Variants in MZT2A observed in about 807,000 individuals in gnomAD.
MZT2A encodes the protein mitotic spindle organizing protein 2A, also known as mitotic-spindle organizing protein 2A.
MZT2A carries 8 observed loss-of-function variants against 12.4 expected under a neutral mutation model. The ratio of observed to expected loss-of-function variants is 0.64; its 90% CI spans 0.38 to 1.16. The LOEUF (loss-of-function observed/expected upper bound fraction) is 1.16. Among genes scored for constraint, MZT2A ranks in the 50% most tolerant of loss-of-function variants. MZT2A has a pLI of 0.01. For missense variants in MZT2A, 181 were observed against 223.6 expected, an observed-to-expected ratio of 0.81 and a Z score of 1.22; for synonymous variants, 88 against 107.5, an observed-to-expected ratio of 0.82 and a Z score of 1.12.
At chr2:131,482,854 G>A (rs370214204), downstream of MZT2A, 1,294 of 1,610,604 alleles carry the variant, frequency 8.0e-4, no homozygotes, top group Non-Finnish European at 1.0e-3. Context: ...ACTGAGGGGA[G>A]GGTGTGGTGG....
chr2:131,490,714 T>A (rs1336085412), intron 2 of MZT2A: 7 of 1,549,360 alleles, frequency 4.5e-6, no homozygotes, highest in Non-Finnish European at 6.1e-6. Flanking sequence ...AAACGCAACC[T>A]GCAAAAGGAG....
chr2:131,492,776 C>T, upstream of MZT2A: 1 of 1,121,902 alleles, frequency 8.9e-7, no homozygotes, highest in Non-Finnish European at 1.2e-6. Flanking sequence ...CTAGGGGTCG[C>T]TCTTCGGGGG....
At chr2:131,470,258 T>C in exon 4 of MZT2A, 2 of 785,070 alleles carry the variant, frequency 2.5e-6, no homozygotes, top group Non-Finnish European at 3.7e-6. Flanking sequence ...CTCCAAGAAC[T>C]CCTGCAGGGC....
intron 2 of MZT2A, among the ~76,000 whole-genome samples, chr2:131,487,800 T>C (rs917099571): frequency 1.3e-5 from 2 of 152,194 alleles, no homozygotes; most frequent in Non-Finnish European, 1.5e-5. Flanking sequence ...AGGGTCTCAC[T>C]CTCTCACCCA....
At chr2:131,492,556 A>C, upstream of MZT2A, 1 of 1,142,404 alleles carries the variant, frequency 8.8e-7, no homozygotes, top group East Asian at 6.4e-5. Flanking sequence ...GTGGGCGCTC[A>C]CGGTGTGCTG....
At chr2:131,470,463 C>T in intron 3 of MZT2A, 1 of 369,462 alleles carries the variant, frequency 2.7e-6, no homozygotes, top group South Asian at 2.1e-5. Flanking sequence ...CAGATTAAAG[C>T]CACAGATGGG....
In MZT2A at chr2:131,484,075, GC is replaced by G; in HGVS notation, c.462del (p.Gln155ArgfsTer?). 6.2e-7 allele frequency: 1 copy of G among 1,612,446 alleles called. No homozygotes were observed. The highest frequency in any genetic ancestry group is 8.5e-7 in the Non-Finnish European group (1 of 1,178,782). ...PKGGGPGKSP[T>X]QGST ...TCTGCCCCATCCTAGGTGCTGCCCT[GC>G]GTAGGGCTCTTCCCAGGCCCGCCCC... is the stretch of plus-strand genomic sequence containing the variant. On this transcript the variant is annotated frameshift_variant, in exon 3 of 3. Coordinates refer to ENST00000309451, the MANE Select transcript of MZT2A (RefSeq NM_001085365.2). LOFTEE classifies it high-confidence loss of function.
At chr2:131,484,569 G>A (rs868426535) in intron 2 of MZT2A, among the ~76,000 whole-genome samples, 1 of 148,684 alleles carries the variant, frequency 6.7e-6, no homozygotes. Flanking sequence ...AACCTAGTCT[G>A]CCCTGATCGT....
chr2:131,490,758 G>GCGT (rs59442386), intron 2 of MZT2A: 2 of 1,505,948 alleles, frequency 1.3e-6, no homozygotes, highest in African/African-American at 4.4e-5. Context: ...AGGGAACCCG[G>GCGT]GGGGCCTGGA....
chr2:131,474,298 C>T (rs1274224398), intron 2 of MZT2A, among the ~76,000 whole-genome samples: 7 of 151,752 alleles, frequency 4.6e-5, no homozygotes, highest in Non-Finnish European at 8.8e-5. Flanking sequence ...GGGGTTTTAC[C>T]GTGTTAGCCA....
Position 131,491,931 on chromosome 2 carries a change from C to A in MZT2A, c.264G>T (p.Glu88Asp), listed in dbSNP as rs564056055. 3.3e-6 allele frequency: 5 copies of A among 1,536,684 alleles called. No homozygotes were observed. Among genetic ancestry groups the A allele is most frequent in the Non-Finnish European group, 4.4e-6 (5 of 1,138,734 alleles). ...SMCAGQRLASEPQDPAAVSLP... is the reference protein window; with the variant it reads ...SMCAGQRLASDPQDPAAVSLP... ...GAGACACGGCCGCAGGGTCCTGGGG[C>A]TCGCTCGCTAGCCTCTGCCCGGCAC... The change falls in exon 2 of 3, where the codon GAG (glutamate) becomes GAT (aspartate). Residue 88 changes from glutamate to aspartate, a missense_variant. Glu to Asp is a conservative substitution (Grantham distance 45). Coordinates refer to ENST00000309451, the MANE Select transcript of MZT2A (RefSeq NM_001085365.2).
intron 2 of MZT2A, among the ~76,000 whole-genome samples, chr2:131,477,395 G>A (rs1678709819): frequency 6.6e-6 from 1 of 152,174 alleles, no homozygotes. Flanking sequence ...ATGACGTCTG[G>A]GAGCCATTAC....
upstream of MZT2A, chr2:131,493,099 C>T (rs1466610721): frequency 5.4e-6 from 8 of 1,492,504 alleles, no homozygotes; most frequent in African/African-American, 5.6e-5. Flanking sequence ...GGCGGAATGG[C>T]GGCTTCCACC....
upstream of MZT2A, chr2:131,492,902 A>T (rs571037049): frequency 6.0e-6 from 9 of 1,505,494 alleles, no homozygotes; most frequent in African/African-American, 5.6e-5. Context: ...AGGCGCATTC[A>T]GCTAAGGACC....
chr2:131,478,180 T>A (rs760926055), intron 2 of MZT2A: 2 of 1,613,696 alleles, frequency 1.2e-6, no homozygotes. Flanking sequence ...TGTATCTCTA[T>A]CCACGTGGGG....
intron 2 of MZT2A, chr2:131,489,777 T>C (rs1253200031): frequency 2.5e-6 from 2 of 798,574 alleles, no homozygotes; most frequent in Non-Finnish European, 1.5e-6. Context: ...CTTCCCGAAG[T>C]GCTGGGATTA....
chr2:131,485,379 G>A (rs2622055), intron 2 of MZT2A, among the ~76,000 whole-genome samples: 5 of 152,074 alleles, frequency 3.3e-5, no homozygotes, highest in African/African-American at 4.8e-5. Context: ...AAGATCTGAC[G>A]TGTTGCTAAG....
At chr2:131,475,296 C>G (rs1013018740) in intron 2 of MZT2A, among the ~76,000 whole-genome samples, 2 of 141,352 alleles carry the variant, frequency 1.4e-5, no homozygotes, top group East Asian at 2.4e-4. Flanking sequence ...TCTCCACTTA[C>G]GTTAATTTTG....
intron 2 of MZT2A, chr2:131,491,108 A>G (rs1679277827): frequency 4.2e-6 from 3 of 709,540 alleles, no homozygotes; most frequent in Admixed American, 4.7e-5. Context: ...GCCTCCTTCC[A>G]TTGGCCTGGG....
Sources: allele counts gnomAD v4.1 joint callset (sites outside exome capture counted in the v4.1 genomes callset), GRCh38; gene constraint gnomAD v4.1.1; transcripts MANE v1.5; gene names NCBI Gene and HGNC (gene_info 2026-07-23, HGNC 2026-07-21).